NBEA: variants seen among roughly 807,000 people sequenced by gnomAD.
NBEA encodes the protein lysosomal-trafficking regulator 2.
A neutral mutation model predicts 343.4 loss-of-function variants in NBEA; 44 were observed. That is an observed-to-expected ratio of 0.13 (90% CI 0.10 to 0.16). The LOEUF is 0.16. NBEA is among the 10% of genes least tolerant of loss of function. The pLI, the probability that NBEA is intolerant of heterozygous loss-of-function variation, is 1.00. For missense variants in NBEA, 2,555 were observed against 3,631.3 expected, an observed-to-expected ratio of 0.70 and a Z score of 7.62; for synonymous variants, 1,175 against 1,238.7, an observed-to-expected ratio of 0.95 and a Z score of 1.08.
At chr13:35,443,582 T>G (rs753136794) in intron 39 of NBEA, among the ~76,000 whole-genome samples, 8 of 152,010 alleles carry the variant, frequency 5.3e-5, no homozygotes, top group Non-Finnish European at 8.8e-5. Flanking sequence ...ATATCTGTAT[T>G]TATTAAATTT....
At chr13:35,157,304 A>C in intron 21 of NBEA, 34 bp downstream of exon 21, 1 of 1,431,082 alleles carries the variant, frequency 7.0e-7, no homozygotes, top group Non-Finnish European at 9.3e-7. Context: ...ACATCATCAG[A>C]GTTATTGCAG....
At position 35,646,354 on chromosome 13, in the gene NBEA, A is replaced by G; in HGVS notation, c.7770+6A>G. The G allele has an allele frequency of 6.2e-7, 1 of 1,606,794 alleles. No homozygotes were observed. The highest frequency in any genetic ancestry group is 8.5e-7 in the Non-Finnish European group (1 of 1,173,916). ...GGAGCTCTGCCATGCACCTGGTAAGACATATCAGCATGTTGAGATTTTTTT... is the reference window on the plus strand; with the variant it reads ...GGAGCTCTGCCATGCACCTGGTAAGGCATATCAGCATGTTGAGATTTTTTT... On this transcript the variant is annotated splice_donor_region_variant and intron_variant, in intron 51 of 58. Transcript: ENST00000379939.
At chr13:35,019,304 G>GTTT (rs1184776979) in intron 1 of NBEA, among the ~76,000 whole-genome samples, 1 of 142,980 alleles carries the variant, frequency 7.0e-6, no homozygotes. Context: ...TTTGTTTTTT[G>GTTT]TTTTTTTTTT....
intron 44 of NBEA, among the ~76,000 whole-genome samples, chr13:35,564,081 T>C (rs191274358): frequency 6.6e-6 from 1 of 152,168 alleles, no homozygotes; most frequent in African/African-American, 2.4e-5. Flanking sequence ...AGAAAATCAT[T>C]TCTATTAAAA....
intron 12 of NBEA, among the ~76,000 whole-genome samples, chr13:35,110,323 T>C (rs558326106): frequency 1.3e-5 from 2 of 151,944 alleles, no homozygotes; most frequent in Admixed American, 1.3e-4. Context: ...CATGGTCAGA[T>C]TGTGAAAGCG....
intron 1 of NBEA, among the ~76,000 whole-genome samples, chr13:34,999,512 A>T (rs934436822): frequency 1.3e-5 from 2 of 152,102 alleles, no homozygotes; most frequent in Non-Finnish European, 2.9e-5. Context: ...TTTAAAAATC[A>T]CCTTCTTTCA....
At chr13:35,471,944 C>T (rs1439756331) in intron 40 of NBEA, among the ~76,000 whole-genome samples, 3 of 152,074 alleles carry the variant, frequency 2.0e-5, no homozygotes, top group Non-Finnish European at 2.9e-5. Context: ...AGATCCTTGC[C>T]CCCTTCTCGT....
At chr13:35,100,126 A>G (rs995198390) in intron 11 of NBEA, among the ~76,000 whole-genome samples, 17 of 152,204 alleles carry the variant, frequency 1.1e-4, no homozygotes, top group South Asian at 4.1e-4. Context: ...AATATTATCA[A>G]TTGATTAATG....
rs1566187360 is a variant in NBEA at position 35,474,732 on chromosome 13, ATAGT to A, written c.6585+2200_6585+2203del. ...TCACCAGGATTGCTATAATCCTTTG[ATAGT>A]TAGGCAGAGTGTTCGTCTCGGTCTG... On this transcript the variant is annotated intron_variant, in intron 41 of 58. Transcript: ENST00000379939. The A allele has an allele frequency of 3.3e-5, 8 of 245,388 alleles. No homozygotes were observed. The South Asian group carries it at 5.5e-4, about 17-fold the overall frequency. 15.2% of individuals were successfully genotyped at this position (245,388 alleles called of 1,614,324 possible). A position where few individuals can be genotyped will look rare whatever the true frequency, so the allele number is the denominator to read the frequency against.
intron 1 of NBEA, among the ~76,000 whole-genome samples, chr13:34,968,729 T>C (rs368361068): frequency 6.6e-6 from 1 of 152,198 alleles, no homozygotes; most frequent in African/African-American, 2.4e-5. Flanking sequence ...CTATTTATTT[T>C]AAACTTTTTG....
intron 33 of NBEA, among the ~76,000 whole-genome samples, chr13:35,230,137 G>A (rs1463224776): frequency 2.6e-5 from 4 of 151,818 alleles, no homozygotes; most frequent in Non-Finnish European, 5.9e-5. Context: ...AATCTTAATA[G>A]GGATTCACTT....
intron 33 of NBEA, among the ~76,000 whole-genome samples, chr13:35,212,838 T>C (rs2073858507): frequency 6.6e-6 from 1 of 152,100 alleles, no homozygotes. Flanking sequence ...TTGATTTGCC[T>C]GTTGAAGTCT....
chr13:35,363,776 T>G (rs775598259), intron 38 of NBEA, among the ~76,000 whole-genome samples: 2 of 151,976 alleles, frequency 1.3e-5, no homozygotes, highest in Admixed American at 6.6e-5. Context: ...CTTGGATGTT[T>G]GAACCTCTGA....
intron 35 of NBEA, among the ~76,000 whole-genome samples, chr13:35,293,755 T>G (rs2035944237): frequency 2.0e-5 from 3 of 151,978 alleles, no homozygotes; most frequent in Non-Finnish European, 4.4e-5. Flanking sequence ...CCTAATTACT[T>G]CCAGATTTTT....
intron 38 of NBEA, 79 bp downstream of exon 38, chr13:35,352,402 T>G: frequency 1.4e-6 from 1 of 727,276 alleles, no homozygotes; most frequent in Admixed American, 3.9e-5. Context: ...GGCTACAAAT[T>G]TAAAAGTCAT....
At chr13:35,365,356 G>T (rs1372983314) in intron 38 of NBEA, among the ~76,000 whole-genome samples, 2 of 151,502 alleles carry the variant, frequency 1.3e-5, no homozygotes, top group African/African-American at 4.8e-5. Flanking sequence ...ATTAGTTTTT[G>T]GATTCCCTAC....
At chr13:34,978,597 G>A (rs552917593) in intron 1 of NBEA, among the ~76,000 whole-genome samples, 6 of 152,172 alleles carry the variant, frequency 3.9e-5, no homozygotes, top group South Asian at 2.1e-4. Flanking sequence ...AGAGTTCCTC[G>A]TACTCCTTTC....
chr13:35,585,403 C>T (rs188350796), intron 46 of NBEA, among the ~76,000 whole-genome samples: 99 of 120,580 alleles, frequency 8.2e-4, no homozygotes, highest in African/African-American at 3.2e-3. Flanking sequence ...AAGCATTTCA[C>T]GCTATTGCTA....
rs544499348 is a variant in NBEA at position 35,559,588 on chromosome 13, A to G, written c.6922+4486A>G. Among the ~76,000 whole-genome samples the G allele has an allele frequency of 1.2e-4, 18 of 152,282 alleles. No individual in the cohort carries two copies. In the South Asian group the frequency reaches 3.1e-3, roughly 26 times the overall value. On this transcript the variant is annotated intron_variant, in intron 44 of 58. Transcript: ENST00000379939. ...TATCAAGATTCAGAAAAAAAATAGT[A>G]TTGTTATTATGTCTTTCTTTCATTT...
Sources: gnomAD v4.1 joint callset for allele counts (sites outside exome capture counted in the v4.1 genomes callset) on GRCh38, gnomAD v4.1.1 for gene constraint, MANE v1.5 for transcripts, NCBI Gene and HGNC (gene_info 2026-07-23, HGNC 2026-07-21) for gene names.